THSD4: variants seen among roughly 807,000 people sequenced by gnomAD.
The protein encoded by THSD4 is thrombospondin type-1 domain-containing protein 4.
In THSD4, 69 loss-of-function variants were observed where a neutral mutation model predicts 119.0. That is an observed-to-expected ratio of 0.58 (90% CI 0.48 to 0.71). THSD4 has a LOEUF of 0.71. Ranked by LOEUF, THSD4 falls within the 30% of genes least tolerant of loss-of-function variation. THSD4 has a pLI of 0.00. For synonymous variants in THSD4, 524 were observed against 540.4 expected (o/e 0.97, Z 0.42); for missense variants, 1,393 against 1,391.1 (o/e 1.00, Z -0.02).
intron 1 of THSD4, among the ~76,000 whole-genome samples, chr15:71,135,768 T>C (rs1477060726): frequency 6.6e-6 from 1 of 152,090 alleles, no homozygotes; most frequent in Non-Finnish European, 1.5e-5. Context: ...GCACATCTTG[T>C]CCTGGGCCTG....
intron 8 of THSD4, among the ~76,000 whole-genome samples, chr15:71,714,995 A>G (rs1347925605): frequency 6.6e-6 from 1 of 152,250 alleles, no homozygotes; most frequent in Non-Finnish European, 1.5e-5. Flanking sequence ...TGCCATCATT[A>G]GATACATAAC....
chr15:71,111,467 A>T (rs2040304756), upstream of THSD4: 1 of 1,448,492 alleles, frequency 6.9e-7, no homozygotes, highest in Admixed American at 2.1e-5. Context: ...GGAGGCAAGC[A>T]GGGGAGGGAA....
At chr15:71,765,790 C>CTCTGTG (rs112237737) in intron 16 of THSD4, among the ~76,000 whole-genome samples, 54 of 146,316 alleles carry the variant, frequency 3.7e-4, no homozygotes, top group Admixed American at 8.1e-4. Flanking sequence ...CACACACTCT[C>CTCTGTG]TGTGTGTGTG....
At chr15:71,247,569 C>T (rs1168807995) in intron 5 of THSD4, among the ~76,000 whole-genome samples, 6 of 151,972 alleles carry the variant, frequency 3.9e-5, no homozygotes, top group South Asian at 2.1e-4. Flanking sequence ...ATTATCCAGG[C>T]GAGGGAGGAT....
chr15:71,169,794 C>A (rs770629820), intron 3 of THSD4, among the ~76,000 whole-genome samples: 52 of 152,276 alleles, frequency 3.4e-4, no homozygotes, highest in Non-Finnish European at 6.9e-4. Context: ...AGCTTACTGC[C>A]TTGAGAGTTT....
intron 11 of THSD4, among the ~76,000 whole-genome samples, chr15:71,738,992 G>C (rs1220018576): frequency 6.6e-6 from 1 of 150,640 alleles, no homozygotes; most frequent in Non-Finnish European, 1.5e-5. Flanking sequence ...TTAATAAACG[G>C]AATACACTCA....
At chr15:71,298,091 G>T (rs2044890558) in intron 6 of THSD4, among the ~76,000 whole-genome samples, 1 of 152,048 alleles carries the variant, frequency 6.6e-6, no homozygotes, top group Non-Finnish European at 1.5e-5. Flanking sequence ...TTAAATTTAG[G>T]TCTTTGATTC....
At chr15:71,169,191 GT>G (rs1009218287) in intron 3 of THSD4, among the ~76,000 whole-genome samples, 7 of 152,198 alleles carry the variant, frequency 4.6e-5, no homozygotes, top group Admixed American at 4.6e-4. Context: ...ATATGAAAAG[GT>G]AGTCAATCAA....
chr15:71,273,085 T>A (rs2044551556), intron 6 of THSD4, among the ~76,000 whole-genome samples: 1 of 152,210 alleles, frequency 6.6e-6, no homozygotes, highest in Admixed American at 6.5e-5. Context: ...TGATGAGACG[T>A]CTGCACTTTC....
intron 3 of THSD4, among the ~76,000 whole-genome samples, chr15:71,167,963 C>G (rs2043310231): frequency 6.6e-6 from 1 of 152,144 alleles, no homozygotes; most frequent in Admixed American, 6.5e-5. Flanking sequence ...AAAACTGTCC[C>G]ACAACAGTGC....
intron 6 of THSD4, among the ~76,000 whole-genome samples, chr15:71,376,346 T>C (rs2046136462): frequency 1.3e-5 from 2 of 152,330 alleles, no homozygotes; most frequent in African/African-American, 4.8e-5. Context: ...TGCCCTAGTT[T>C]AGATGTCCTG....
chr15:71,733,951 A>ATTG (rs57720319), intron 10 of THSD4: 70,780 of 140,002 alleles, frequency 0.51, 20,504 homozygotes, highest in East Asian at 0.73. Context: ...GAAAGCCCTA[A>ATTG]TTGTTGTTGT....
intron 2 of THSD4, among the ~76,000 whole-genome samples, chr15:71,152,846 C>T (rs115588853): frequency 0.018 from 2,713 of 152,238 alleles, 86 homozygotes; most frequent in African/African-American, 0.061. Context: ...TTAAGATCCA[C>T]CTCCGCACCC....
At chr15:71,470,297 T>C (rs1156452384) in intron 7 of THSD4, among the ~76,000 whole-genome samples, 1 of 152,216 alleles carries the variant, frequency 6.6e-6, no homozygotes, top group East Asian at 1.9e-4. Flanking sequence ...GTTCTACCTA[T>C]TCCCTACCTG....
intron 3 of THSD4, among the ~76,000 whole-genome samples, chr15:71,192,574 T>C (rs932712561): frequency 3.9e-5 from 6 of 152,180 alleles, no homozygotes; most frequent in African/African-American, 1.4e-4. Context: ...ACCACCGCGC[T>C]TGGCTCCTTT....
chr15:71,718,825 C>T (rs779134957), intron 8 of THSD4, among the ~76,000 whole-genome samples: 1 of 152,166 alleles, frequency 6.6e-6, no homozygotes, highest in Non-Finnish European at 1.5e-5. Context: ...TGCTCAAATG[C>T]CACCCGCTCT....
intron 7 of THSD4, among the ~76,000 whole-genome samples, chr15:71,458,672 C>T (rs2140605185): frequency 6.6e-6 from 1 of 152,266 alleles, no homozygotes; most frequent in African/African-American, 2.4e-5. Flanking sequence ...TAAATGTTAA[C>T]TGATCATGTA....
chr15:71,411,755 G>A lies in THSD4; in HGVS notation c.1084G>A (p.Glu362Lys). The change falls in exon 7 of 18, where the codon GAG becomes AAG. Residue 362 changes from glutamate to lysine, a missense_variant. By Grantham distance (56) the Glu-to-Lys change is moderately conservative. Transcript: ENST00000261862. ...MGYRFYVRQA[E>K]KVIDGTPCDQ... Reference sequence around the variant, plus strand: ...CTACCGCTTCTATGTACGGCAAGCTGAGAAAGTCATCGATGGCACCCCCTG... The same window carrying A: ...CTACCGCTTCTATGTACGGCAAGCTAAGAAAGTCATCGATGGCACCCCCTG... The A allele has an allele frequency of 6.2e-7, 1 of 1,614,150 alleles. No homozygotes were observed. The highest frequency in any genetic ancestry group is 8.5e-7 in the Non-Finnish European group (1 of 1,180,016).
chr15:71,394,266 CTTTTTTTTTTT>C (rs58372446), intron 6 of THSD4, among the ~76,000 whole-genome samples: 2 of 89,688 alleles, frequency 2.2e-5, no homozygotes, highest in Admixed American at 1.4e-4. Flanking sequence ...ACACATTTGT[CTTTTTTTTTTT>C]TTTTTTTTTT....
Sources: gnomAD v4.1 joint callset for allele counts (sites outside exome capture counted in the v4.1 genomes callset) on GRCh38, gnomAD v4.1.1 for gene constraint, MANE v1.5 for transcripts, NCBI Gene and HGNC (gene_info 2026-07-23, HGNC 2026-07-21) for gene names.